The following STK33 variants were observed in gnomAD, a reference collection of about 807,000 sequenced individuals.
The protein encoded by STK33 is serine/threonine kinase 33.
Under a neutral mutation model 58.0 loss-of-function variants are expected in STK33, and 52 were observed. The observed-to-expected ratio is 0.90, with a 90% CI of 0.72 to 1.13. The LOEUF is 1.13. STK33 is among the 50% of genes most tolerant of loss of function. The pLI is 0.00. For synonymous variants in STK33, 215 were observed against 200.1 expected (o/e 1.07, Z -0.63); for missense variants, 630 against 604.2 (o/e 1.04, Z -0.45).
At chr11:8,402,276 C>T (rs1253672397) in intron 15 of STK33, among the ~76,000 whole-genome samples, 1 of 152,146 alleles carries the variant, frequency 6.6e-6, no homozygotes, top group Non-Finnish European at 1.5e-5. Context: ...CCATGGAATA[C>T]TATGCAGCCA....
chr11:8,569,159 T>C (rs1565386296), intron 1 of STK33, among the ~76,000 whole-genome samples: 1 of 152,206 alleles, frequency 6.6e-6, no homozygotes, highest in Admixed American at 6.5e-5. Context: ...GATACTAGCA[T>C]GCATCAGTAA....
the STK33 span, among the ~76,000 whole-genome samples, chr11:8,375,331 T>C: frequency 6.6e-6 from 1 of 152,216 alleles, no homozygotes; most frequent in African/African-American, 2.4e-5. Context: ...TGGGTTGAAA[T>C]GGGAAACATT....
intron 5 of STK33, among the ~76,000 whole-genome samples, chr11:8,474,217 G>C (rs1277287542): frequency 2.0e-5 from 3 of 151,420 alleles, no homozygotes; most frequent in Non-Finnish European, 4.4e-5. Context: ...CAGTACAATT[G>C]GGTAGCCATA....
At chr11:8,536,717 C>A (rs1319220467) in intron 1 of STK33, among the ~76,000 whole-genome samples, 2 of 151,934 alleles carry the variant, frequency 1.3e-5, no homozygotes, top group East Asian at 3.9e-4. Flanking sequence ...TTCTTCATAT[C>A]TTCTATTTCT....
At position 8,452,821 on chromosome 11, in the gene STK33, C is replaced by A; in HGVS notation, c.871+1G>T. On this transcript the variant is annotated splice_donor_variant, in intron 11 of 15. Transcript: ENST00000687296. LOFTEE classifies it high-confidence loss of function. ...AATTAATTTTAAGTCTACTAACTTA[C>A]CCATATAGATAGGAGTCCCACATGT... The A allele has an allele frequency of 1.2e-6, 2 of 1,613,314 alleles. No homozygotes were observed. Among genetic ancestry groups the A allele is most frequent in the Non-Finnish European group, 1.7e-6 (2 of 1,179,330 alleles).
Position 8,473,265 on chromosome 11 carries a change from G to C in STK33, c.237C>G (p.Thr79=). 1 of 1,604,392 alleles carries C rather than the reference G, an allele frequency of 6.2e-7. No homozygotes were observed. The highest frequency in any genetic ancestry group is 8.5e-7 in the Non-Finnish European group (1 of 1,175,856). Residue 79 remains threonine, a synonymous_variant, in exon 6 of 16, where the codon ACC becomes ACG. Coordinates refer to ENST00000687296, the MANE Select transcript of STK33 (RefSeq NM_001352389.2). ...ITSRKDLPSR[T]SNVERKASQQ... is the part of the protein sequence containing the mutation. Reference sequence around the variant, plus strand: ...GAGATGCTTTTCTCTCTACATTTGAGGTTCTTGAGGGCTGGGACCAAAAAA... The same window carrying C: ...GAGATGCTTTTCTCTCTACATTTGACGTTCTTGAGGGCTGGGACCAAAAAA...
chr11:8,446,466 T>G (rs1056467342), intron 11 of STK33, among the ~76,000 whole-genome samples: 1 of 152,106 alleles, frequency 6.6e-6, no homozygotes, highest in African/African-American at 2.4e-5. Context: ...ATTGGGATGT[T>G]AGGGTGTCGA....
intron 15 of STK33, among the ~76,000 whole-genome samples, chr11:8,411,120 C>G (rs1432622391): frequency 5.9e-5 from 9 of 152,194 alleles, no homozygotes; most frequent in Non-Finnish European, 1.2e-4. Flanking sequence ...GAGTGAAAGT[C>G]AAGTCTATCC....
chr11:8,549,118 T>C (rs1451026111), intron 1 of STK33, among the ~76,000 whole-genome samples: 4 of 152,216 alleles, frequency 2.6e-5, no homozygotes, highest in African/African-American at 9.6e-5. Flanking sequence ...TGGTCATATA[T>C]GGTCTTTATT....
chr11:8,367,679 C>T, the STK33 span, among the ~76,000 whole-genome samples: 1 of 152,126 alleles, frequency 6.6e-6, no homozygotes, highest in Admixed American at 6.5e-5. Flanking sequence ...TCACAGCAAC[C>T]CTACGAAGTG....
the STK33 span, among the ~76,000 whole-genome samples, chr11:8,370,850 T>C: frequency 2.0e-5 from 3 of 152,112 alleles, no homozygotes; most frequent in Admixed American, 6.5e-5. Context: ...CTGGGCTCCA[T>C]GTAAAGAGCC....
intron 1 of STK33, among the ~76,000 whole-genome samples, chr11:8,553,835 C>CTATAGTTCTATAAACTA (rs1565349874): frequency 1.3e-5 from 2 of 151,784 alleles, no homozygotes; most frequent in Non-Finnish European, 2.9e-5. Context: ...ATATAAGACC[C>CTATAGTTCTATAAACTA]GAAACTATAA....
At position 8,392,260 on chromosome 11, in the gene STK33, A is replaced by C; in HGVS notation, c.*250T>G. 1 of 521,396 alleles carries C rather than the reference A, an allele frequency of 1.9e-6. No homozygotes were observed. The highest frequency in any genetic ancestry group is 3.4e-6 in the Non-Finnish European group (1 of 294,784). 32.3% of individuals were successfully genotyped at this position (521,396 alleles called of 1,614,324 possible). ...GCCCCCCTAAAAAACCTTCGTGTAC[A>C]TCTTGAGTTGATTTCCACTGCAGCC... On this transcript the variant is annotated 3_prime_UTR_variant, in exon 16 of 16. Coordinates refer to ENST00000687296, the MANE Select transcript of STK33 (RefSeq NM_001352389.2).
At chr11:8,348,804 C>T in the STK33 span, among the ~76,000 whole-genome samples, 1 of 152,130 alleles carries the variant, frequency 6.6e-6, no homozygotes, top group Non-Finnish European at 1.5e-5. Context: ...TGCCTTCCTG[C>T]TTCAATAACC....
At chr11:8,391,224 C>T (rs150171094), downstream of STK33, among the ~76,000 whole-genome samples, 22 of 152,296 alleles carry the variant, frequency 1.4e-4, 1 homozygote, top group African/African-American at 4.6e-4. Flanking sequence ...TATGATACGA[C>T]TGGAACTAGA....
intron 1 of STK33, among the ~76,000 whole-genome samples, chr11:8,495,744 A>C (rs1212565294): frequency 6.6e-6 from 1 of 152,146 alleles, no homozygotes; most frequent in Non-Finnish European, 1.5e-5. Flanking sequence ...GTGGCACATA[A>C]ACACCATAGA....
At chr11:8,465,503 G>A (rs1948072442) in intron 6 of STK33, 1 of 152,084 alleles carries the variant, frequency 6.6e-6, no homozygotes, top group African/African-American at 2.4e-5. Flanking sequence ...TCACCATTTT[G>A]GTTTGCATTG....
At chr11:8,430,231 T>G (rs1031309898) in intron 14 of STK33, among the ~76,000 whole-genome samples, 1 of 152,222 alleles carries the variant, frequency 6.6e-6, no homozygotes, top group Non-Finnish European at 1.5e-5. Context: ...TCTCTGAATA[T>G]ACTTCATATT....
intron 12 of STK33, among the ~76,000 whole-genome samples, chr11:8,436,424 A>C (rs1227384789): frequency 6.6e-6 from 1 of 152,212 alleles, no homozygotes; most frequent in Non-Finnish European, 1.5e-5. Context: ...GCAGGTGGGG[A>C]AACACTAAGC....
Sources: gnomAD v4.1 joint callset for allele counts (sites outside exome capture counted in the v4.1 genomes callset) on GRCh38, gnomAD v4.1.1 for gene constraint, MANE v1.5 for transcripts, NCBI Gene and HGNC (gene_info 2026-07-23, HGNC 2026-07-21) for gene names.